Variants in PROM1 observed in about 807,000 individuals in gnomAD.
PROM1 encodes prominin-1.
Under a neutral mutation model 116.9 loss-of-function variants are expected in PROM1, and 105 were observed. That is an observed-to-expected ratio of 0.90 (90% CI 0.77 to 1.06). The LOEUF (loss-of-function observed/expected upper bound fraction) is 1.06, where lower values mean the gene tolerates loss of function less well. PROM1 is among the 50% of genes least tolerant of loss of function. The pLI is 0.00. For missense variants in PROM1, 1,122 were observed against 1,045.2 expected (o/e 1.07, Z -1.01); for synonymous variants, 393 against 387.0 (o/e 1.02, Z -0.18).
At chr4:15,988,317 G>A (rs1013999885) in intron 19 of PROM1, among the ~76,000 whole-genome samples, 1 of 152,184 alleles carries the variant, frequency 6.6e-6, no homozygotes, top group Non-Finnish European at 1.5e-5. Flanking sequence ...AAAGTGGAAG[G>A]CATTATTTAA....
chr4:16,033,586 C>A, intron 4 of PROM1, 77 bp from the exon 5 acceptor site: 13 of 270,262 alleles, frequency 4.8e-5, no homozygotes, highest in Non-Finnish European at 7.8e-5. Flanking sequence ...GTACAAAGTT[C>A]TTTTTTTTTT....
chr4:15,989,697 G>C (rs1434040818), intron 19 of PROM1, 35 bp downstream of exon 19: 18 of 1,518,136 alleles, frequency 1.2e-5, no homozygotes, highest in Non-Finnish European at 1.5e-5. Flanking sequence ...TTTTGCTCAG[G>C]TCACAGTGAA....
intron 18 of PROM1, 93 bp from the exon 19 acceptor site, chr4:15,989,917 T>C (rs1283041180): frequency 2.0e-6 from 2 of 976,456 alleles, no homozygotes; most frequent in African/African-American, 3.2e-5. Context: ...CCAGGAGGGC[T>C]GCCATGACAT....
chr4:15,980,521 C>T lies in PROM1; in HGVS notation c.2390G>A (p.Gly797Asp). 2 of 1,540,450 alleles carry T rather than the reference C, an allele frequency of 1.3e-6. No individual in the cohort carries two copies. Among genetic ancestry groups the T allele is most frequent in the Non-Finnish European group, 8.7e-7 (1 of 1,143,072 alleles). The change falls in exon 24 of 28, where the codon GGC becomes GAC. Residue 797 changes from glycine (G) to aspartate (D), a missense_variant. Transcript: ENST00000447510. The stretch of plus-strand genomic sequence containing the variant: ...TAAAAATACAGTAGCTTTTCCTATG[C>T]CAAACCAAAACAAATTCTAGGAAAA... ...IIDPLNLFWF[G>D]IGKATVFLLP...
intron 2 of PROM1, among the ~76,000 whole-genome samples, chr4:16,042,485 A>T (rs1404044424): frequency 2.0e-5 from 3 of 152,198 alleles, no homozygotes; most frequent in Admixed American, 2.0e-4. Flanking sequence ...CTTAATGGGT[A>T]CGGTGTACAT....
chr4:16,068,837 C>A (rs1484103359), intron 2 of PROM1, among the ~76,000 whole-genome samples: 1 of 152,154 alleles, frequency 6.6e-6, no homozygotes. Context: ...TCACTTCTAC[C>A]AACTCACCCA....
Position 16,019,293 on chromosome 4 carries a change from C to T in PROM1, c.785-753G>A, listed in dbSNP as rs145923018. 3.0e-3 allele frequency among the ~76,000 whole-genome samples: 460 copies of T among 152,344 alleles called. 4 individuals carry two copies. The highest frequency in any genetic ancestry group is 0.01 in the African/African-American group (432 of 41,566). The stretch of plus-strand genomic sequence containing the variant: ...ATGTTAGTGGAAAGCCATATGCATT[C>T]AGTTAAAATCGTACTTCAAATTTTG... On this transcript the variant is annotated intron_variant, in intron 8 of 27. Transcript: ENST00000447510.
intron 13 of PROM1, among the ~76,000 whole-genome samples, chr4:16,005,495 G>GGTGTGTGT (rs3221933): frequency 1.4e-5 from 2 of 145,800 alleles, no homozygotes; most frequent in African/African-American, 2.6e-5. Flanking sequence ...TTGTTTGTTT[G>GGTGTGTGT]GTGTGTGTGT....
At chr4:16,059,724 C>T (rs1001602946) in intron 2 of PROM1, among the ~76,000 whole-genome samples, 10 of 152,090 alleles carry the variant, frequency 6.6e-5, no homozygotes, top group African/African-American at 2.2e-4. Context: ...ATAAACTGAC[C>T]TGGCAATTCT....
intron 17 of PROM1, among the ~76,000 whole-genome samples, 194 bp downstream of exon 17, chr4:15,992,054 G>A (rs542387817): frequency 2.2e-4 from 34 of 151,714 alleles, no homozygotes; most frequent in African/African-American, 8.2e-4. Flanking sequence ...TGATGAAAAT[G>A]TCTTGGAACT....
intron 26 of PROM1, among the ~76,000 whole-genome samples, chr4:15,972,189 G>C (rs1714733931): frequency 6.6e-6 from 1 of 152,218 alleles, no homozygotes; most frequent in South Asian, 2.1e-4. Flanking sequence ...TCCTGGAAGA[G>C]AGGGAACTCT....
intron 20 of PROM1, among the ~76,000 whole-genome samples, chr4:15,987,119 T>C (rs765829214): frequency 6.6e-6 from 1 of 152,202 alleles, no homozygotes; most frequent in Non-Finnish European, 1.5e-5. Flanking sequence ...TGTGTGACCA[T>C]GTGACTTGCT....
intron 15 of PROM1, among the ~76,000 whole-genome samples, chr4:15,997,282 C>CATAT (rs112868587): frequency 0.025 from 3,409 of 137,516 alleles, 101 homozygotes; most frequent in East Asian, 0.12. Context: ...TTCGTTCATT[C>CATAT]ATATATATAT....
chr4:16,027,910 T>C (rs1465583298), intron 5 of PROM1, among the ~76,000 whole-genome samples: 7 of 152,332 alleles, frequency 4.6e-5, no homozygotes, highest in South Asian at 4.1e-4. Context: ...GTGAAATGAA[T>C]TGCAATACAT....
Position 15,985,971 on chromosome 4 carries a change from A to T in PROM1, c.2197T>A (p.Ser733Thr). 1 of 1,175,048 alleles carries T rather than the reference A, an allele frequency of 8.5e-7. No homozygotes were observed. The highest frequency in any genetic ancestry group is 1.1e-6 in the Non-Finnish European group (1 of 914,052). The allele number at this position is 1,175,048 out of a possible 1,614,324, so 72.8% of individuals were successfully genotyped here. A position where few individuals can be genotyped will look rare whatever the true frequency, so the allele number is the denominator to read the frequency against. Reference protein sequence around the residue: ...AQNFITNNTSSVIIEETKKYG... With the variant: ...AQNFITNNTSTVIIEETKKYG... ...AGAAGGCTCACCTCAATAATAACAG[A>T]GGAAGTATTGTTTGTGATGAAGTTC... Residue 733 changes from serine to threonine, a missense_variant, in exon 21 of 28, where the codon TCT (serine) becomes ACT (threonine). Transcript: ENST00000447510.
chr4:15,984,816 T>C (rs1325151778), intron 22 of PROM1, among the ~76,000 whole-genome samples: 3 of 152,252 alleles, frequency 2.0e-5, no homozygotes, highest in Non-Finnish European at 2.9e-5. Flanking sequence ...ATTATTTCAT[T>C]ATATATTACA....
intron 9 of PROM1, among the ~76,000 whole-genome samples, chr4:16,017,722 G>A (rs989817236): frequency 6.6e-6 from 1 of 152,154 alleles, no homozygotes; most frequent in Admixed American, 6.5e-5. Flanking sequence ...TCAGGAGGCT[G>A]AGGCAAGAGA....
intron 8 of PROM1, among the ~76,000 whole-genome samples, chr4:16,022,296 T>C (rs958039536): frequency 1.3e-5 from 2 of 152,002 alleles, no homozygotes; most frequent in Admixed American, 6.6e-5. Flanking sequence ...TGGTTGGTAA[T>C]GAAGAGAACA....
At position 16,080,334 on chromosome 4, in the gene PROM1, C is replaced by A. The variant is rs1744809612; in HGVS notation, c.-213+3644G>T. Among the ~76,000 whole-genome samples, 5 of 151,758 alleles carry A rather than the reference C, an allele frequency of 3.3e-5. No homozygotes were observed. In the South Asian group the frequency reaches 1.0e-3, roughly 32 times the overall value. Reference sequence around the variant, plus strand: ...AGGAGATCGAGACCATCCTGGCTAACATGGTGAAACCCTGTCTCTACTAAA... The same window carrying A: ...AGGAGATCGAGACCATCCTGGCTAAAATGGTGAAACCCTGTCTCTACTAAA... On this transcript the variant is annotated intron_variant, in intron 1 of 27. Coordinates refer to ENST00000447510, the MANE Select transcript of PROM1 (RefSeq NM_006017.3).
Sources: allele counts gnomAD v4.1 joint callset (sites outside exome capture counted in the v4.1 genomes callset), GRCh38; gene constraint gnomAD v4.1.1; transcripts MANE v1.5; gene names NCBI Gene and HGNC (gene_info 2026-07-23, HGNC 2026-07-21).